Variants in POC1A observed in about 807,000 individuals in gnomAD.
POC1A encodes the protein POC1 centriolar protein A.
POC1A carries 34 observed loss-of-function variants against 47.8 expected under a neutral mutation model. The observed-to-expected ratio is 0.71, with a 90% CI of 0.54 to 0.95. The LOEUF (loss-of-function observed/expected upper bound fraction) is 0.95, where lower values mean the gene tolerates loss of function less well. Ranked by LOEUF, POC1A falls within the 40% of genes least tolerant of loss-of-function variation. POC1A has a pLI of 0.00. For synonymous variants in POC1A, 177 were observed against 207.6 expected (o/e 0.85, Z 1.27); for missense variants, 466 against 528.3 (o/e 0.88, Z 1.16).
intron 4 of POC1A, among the ~76,000 whole-genome samples, chr3:52,148,359 G>GT (rs1189326479): frequency 6.6e-6 from 1 of 152,240 alleles, no homozygotes; most frequent in Non-Finnish European, 1.5e-5. Flanking sequence ...CTGGAGAACA[G>GT]TAACTTGTAT....
chr3:52,099,412 G>A (rs1702923623), intron 9 of POC1A, among the ~76,000 whole-genome samples: 1 of 152,208 alleles, frequency 6.6e-6, no homozygotes, highest in Non-Finnish European at 1.5e-5. Flanking sequence ...AGAGACAGTC[G>A]TACCAGAGCC....
intron 10 of POC1A, among the ~76,000 whole-genome samples, chr3:52,091,337 A>C (rs557921760): frequency 2.6e-4 from 40 of 152,348 alleles, no homozygotes; most frequent in African/African-American, 9.4e-4. Context: ...AAGGAACAAA[A>C]AGCCCTCCAA....
At chr3:52,125,059 G>C (rs1305831191) in intron 8 of POC1A, 54 bp downstream of exon 8, 1 of 1,387,706 alleles carries the variant, frequency 7.2e-7, no homozygotes, top group Non-Finnish European at 1.0e-6. Flanking sequence ...GTTCTGAGCA[G>C]AAATCAGCTC....
chr3:52,076,649 C>T (rs1702123799), intron 10 of POC1A, among the ~76,000 whole-genome samples: 1 of 152,268 alleles, frequency 6.6e-6, no homozygotes, highest in Non-Finnish European at 1.5e-5. Context: ...CCACTTTCTC[C>T]TCCTTCGCCC....
intron 10 of POC1A, among the ~76,000 whole-genome samples, chr3:52,093,234 G>A (rs1278112005): frequency 6.6e-6 from 1 of 152,170 alleles, no homozygotes; most frequent in African/African-American, 2.4e-5. Context: ...GGGAGGCCTG[G>A]CTCTGACCTT....
chr3:52,084,279 C>T lies in POC1A; in HGVS notation c.1126-8294G>A, dbSNP rs1173584195. ...CCAGGAGCTGCTCCTCCTCCCATGA[C>T]CATTGTTGTCACCACCTTTGCTGAA... On this transcript the variant is annotated intron_variant, in intron 10 of 10. Transcript: ENST00000296484. This position sits in a 1 kb window ranked among gnomAD's most constrained non-coding sequence, Gnocchi z 4.3. Among the ~76,000 whole-genome samples the T allele has an allele frequency of 6.6e-6, 1 of 152,218 alleles. No homozygotes were observed. Among genetic ancestry groups the T allele is most frequent in the Non-Finnish European group, 1.5e-5 (1 of 68,028 alleles).
intron 6 of POC1A, among the ~76,000 whole-genome samples, chr3:52,143,986 C>T (rs1237764247): frequency 6.6e-6 from 1 of 152,220 alleles, no homozygotes; most frequent in East Asian, 1.9e-4. Flanking sequence ...CCCAGGGTCA[C>T]CTAGACATCC....
intron 9 of POC1A, among the ~76,000 whole-genome samples, chr3:52,119,036 C>T (rs1703672889): frequency 6.6e-6 from 1 of 151,892 alleles, no homozygotes; most frequent in Non-Finnish European, 1.5e-5. Context: ...CCATCACCTC[C>T]AGAAGACTGC....
chr3:52,092,757 T>C (rs547091887), intron 10 of POC1A, among the ~76,000 whole-genome samples: 35 of 152,218 alleles, frequency 2.3e-4, no homozygotes, highest in Admixed American at 5.2e-4. Context: ...TGAAAAATAA[T>C]GTATGGATTT....
Position 52,149,951 on chromosome 3 carries a change from T to C in POC1A, c.140A>G (p.His47Arg), listed in dbSNP as rs1183641808. The change falls in exon 3 of 11, where the codon CAC becomes CGC. Residue 47 changes from histidine to arginine, a missense_variant. Transcript: ENST00000296484. ...GTAGGCGCGTGACTGCGGCTTCATG[T>C]GCCAGACCATGAGGCATGAGTCCAT... ...GSMDSCLMVW[H>R]MKPQSRAYRF... 1.9e-6 allele frequency: 3 copies of C among 1,613,612 alleles called. No homozygotes were observed. The African/African-American group carries it at 4.0e-5, about 22-fold the overall frequency.
chr3:52,103,925 A>G (rs72955243), intron 9 of POC1A, among the ~76,000 whole-genome samples: 5,180 of 152,330 alleles, frequency 0.034, 319 homozygotes, highest in African/African-American at 0.12. Context: ...CATTTTGAAA[A>G]GTTTGACAGT....
chr3:52,125,145 C>T lies in POC1A; in HGVS notation c.850G>A (p.Glu284Lys), dbSNP rs1703947326. Reference sequence around the variant, plus strand: ...TCAGAGCCTCCAGAAGCAAAATACTCCCCCGTTCTTGAAAAGGCAACAGTG... The same window carrying T: ...TCAGAGCCTCCAGAAGCAAAATACTTCCCCGTTCTTGAAAAGGCAACAGTG... The part of the protein sequence containing the change: ...ATTVAFSRTG[E>K]YFASGGSDEQ... Residue 284 changes from glutamate (E) to lysine (K), a missense_variant, in exon 8 of 11, where the codon GAG becomes AAG. By Grantham distance (56) the Glu-to-Lys change is moderately conservative. Transcript: ENST00000296484. 5 of 1,613,864 alleles carry T rather than the reference C, an allele frequency of 3.1e-6. No homozygotes were observed. The highest frequency in any genetic ancestry group is 1.7e-5 in the Admixed American group (1 of 60,000).
chr3:52,095,037 T>G (rs1314725489), intron 10 of POC1A, among the ~76,000 whole-genome samples: 1 of 152,220 alleles, frequency 6.6e-6, no homozygotes, highest in Non-Finnish European at 1.5e-5. Context: ...CTGGATCCAA[T>G]GAAGCTATTT....
At chr3:52,094,427 G>A (rs1400551317) in intron 10 of POC1A, among the ~76,000 whole-genome samples, 1 of 152,246 alleles carries the variant, frequency 6.6e-6, no homozygotes, top group Non-Finnish European at 1.5e-5. Flanking sequence ...CCAAGAGAAA[G>A]GCACAGGGAA....
At chr3:52,140,244 C>A (rs983165799) in intron 6 of POC1A, among the ~76,000 whole-genome samples, 1 of 152,180 alleles carries the variant, frequency 6.6e-6, no homozygotes, top group African/African-American at 2.4e-5. Flanking sequence ...CAAGGCTTTA[C>A]GTAACATGAT....
intron 10 of POC1A, among the ~76,000 whole-genome samples, chr3:52,094,910 T>G (rs1298629587): frequency 2.0e-5 from 3 of 152,214 alleles, no homozygotes; most frequent in African/African-American, 7.2e-5. Flanking sequence ...ACTTACTCTC[T>G]GCGATGCAAG....
At chr3:52,150,914 G>T in intron 2 of POC1A, 102 bp downstream of exon 2, 3 of 1,007,140 alleles carry the variant, frequency 3.0e-6, no homozygotes, top group Non-Finnish European at 4.7e-6. Context: ...AGACAAAGCT[G>T]TGCAGTCCTT....
chr3:52,097,631 T>C (rs1702866277), intron 9 of POC1A, among the ~76,000 whole-genome samples: 2 of 152,222 alleles, frequency 1.3e-5, no homozygotes, highest in African/African-American at 4.8e-5. Flanking sequence ...CCTACCTGCA[T>C]GTTTTCCTTT....
At chr3:52,138,675 C>A (rs943506420) in intron 6 of POC1A, among the ~76,000 whole-genome samples, 1 of 152,202 alleles carries the variant, frequency 6.6e-6, no homozygotes, top group African/African-American at 2.4e-5. Flanking sequence ...TATACTCTTT[C>A]TTTAAAGAAA....
Sources: gnomAD v4.1 joint callset for allele counts (sites outside exome capture counted in the v4.1 genomes callset) on GRCh38, gnomAD v4.1.1 for gene constraint, Gnocchi (gnomAD v3.1) non-coding constraint, MANE v1.5 for transcripts, NCBI Gene and HGNC (gene_info 2026-07-23, HGNC 2026-07-21) for gene names.